PARD3B: variants seen among roughly 807,000 people sequenced by gnomAD.
PARD3B encodes par-3 family cell polarity regulator beta.
A neutral mutation model predicts 130.2 loss-of-function variants in PARD3B; 103 were observed. The observed-to-expected ratio is 0.79, with a 90% confidence interval of 0.67 to 0.93. The LOEUF (loss-of-function observed/expected upper bound fraction) is 0.93, where lower values mean the gene tolerates loss of function less well. Among genes scored for constraint, PARD3B ranks in the 40% least tolerant of loss-of-function variants. The probability of loss-of-function intolerance (pLI) is 0.00; values close to 1 mark genes in which losing one functional copy is unlikely to be tolerated. For missense variants in PARD3B, 1,609 were observed against 1,499.2 expected (o/e 1.07, Z -1.21); for synonymous variants, 583 against 553.2 (o/e 1.05, Z -0.76).
rs553836886 is a variant in PARD3B at position 205,276,094 on chromosome 2, C to G, written c.2186-24436C>G. On this transcript the variant is annotated intron_variant, in intron 16 of 22. Coordinates refer to ENST00000406610, the MANE Select transcript of PARD3B (RefSeq NM_001302769.2). This position sits in a 1 kb window ranked among gnomAD's most constrained non-coding sequence, Gnocchi z 5.0. ...TACAAGTAACTGAAGTTGTTGCCTT[C>G]ATTAAGGATTTCTGTTCCTGAAATT... 1.3e-5 allele frequency among the ~76,000 whole-genome samples: 2 copies of G among 152,118 alleles called. No homozygotes were observed. Among genetic ancestry groups the G allele is most frequent in the Non-Finnish European group, 2.9e-5 (2 of 68,022 alleles).
intron 2 of PARD3B, among the ~76,000 whole-genome samples, chr2:204,705,882 C>G (rs892051692): frequency 1.3e-5 from 2 of 152,136 alleles, no homozygotes; most frequent in Non-Finnish European, 2.9e-5. Flanking sequence ...AATCTCCATC[C>G]TTCTTCCATC....
chr2:205,058,156 C>A (rs1033878870), intron 4 of PARD3B, among the ~76,000 whole-genome samples: 12 of 151,864 alleles, frequency 7.9e-5, no homozygotes, highest in Non-Finnish European at 1.8e-4. Flanking sequence ...CAAGTAGAAT[C>A]ATGCAGTATT....
chr2:204,624,230 C>A (rs1267937764), intron 1 of PARD3B, among the ~76,000 whole-genome samples: 1 of 151,950 alleles, frequency 6.6e-6, no homozygotes, highest in East Asian at 1.9e-4. Flanking sequence ...CAAAGAAGGA[C>A]CTATGAATAT....
chr2:204,924,655 T>C (rs1219547420), intron 2 of PARD3B, among the ~76,000 whole-genome samples: 1 of 152,054 alleles, frequency 6.6e-6, no homozygotes, highest in East Asian at 1.9e-4. Flanking sequence ...AATTCTGTAA[T>C]AGAAATGCTG....
chr2:205,401,445 A>G (rs2046248173), intron 19 of PARD3B, among the ~76,000 whole-genome samples: 1 of 152,140 alleles, frequency 6.6e-6, no homozygotes, highest in African/African-American at 2.4e-5. Context: ...GATGTTTAGA[A>G]CTATCCAGTT....
At chr2:205,603,976 G>A (rs1163793285) in intron 22 of PARD3B, among the ~76,000 whole-genome samples, 1 of 152,200 alleles carries the variant, frequency 6.6e-6, no homozygotes, top group Non-Finnish European at 1.5e-5. Context: ...CTTTTGCAGT[G>A]GCTGGTACCA....
At chr2:205,498,016 A>AACACACACACACACACACACACAC (rs57531393) in intron 20 of PARD3B, among the ~76,000 whole-genome samples, 6 of 141,970 alleles carry the variant, frequency 4.2e-5, no homozygotes, top group African/African-American at 1.6e-4. Flanking sequence ...GTCTCTACTA[A>AACACACACACACACACACACACAC]ACACACACAC....
At chr2:205,114,839 A>G (rs1703916069) in intron 6 of PARD3B, among the ~76,000 whole-genome samples, 1 of 151,946 alleles carries the variant, frequency 6.6e-6, no homozygotes, top group African/African-American at 2.4e-5. Flanking sequence ...AAAAGCTAGC[A>G]ACTCTTATTG....
At chr2:204,970,436 G>T (rs1414077307) in intron 3 of PARD3B, among the ~76,000 whole-genome samples, 2 of 152,170 alleles carry the variant, frequency 1.3e-5, no homozygotes, top group African/African-American at 4.8e-5. Flanking sequence ...TCCCTGATGT[G>T]TCACCACCAT....
At chr2:205,247,690 T>C (rs1574495114) in intron 16 of PARD3B, among the ~76,000 whole-genome samples, 4 of 152,314 alleles carry the variant, frequency 2.6e-5, no homozygotes, top group Admixed American at 2.6e-4. Flanking sequence ...TGGGCATCTG[T>C]AGAAATGCTG....
In PARD3B at chr2:205,291,732, A is replaced by G. The variant is rs932779166; in HGVS notation, c.2186-8798A>G. Among the ~76,000 whole-genome samples the G allele has an allele frequency of 2.6e-5, 4 of 152,228 alleles. No individual in the cohort carries two copies. The highest frequency in any genetic ancestry group is 5.9e-5 in the Non-Finnish European group (4 of 68,036). ...AAGATGGAATTGTCCATCAAAAAGG[A>G]AGCAGAGCTTAAAGACTTAGGTAAT... is the stretch of plus-strand genomic sequence containing the variant. On this transcript the variant is annotated intron_variant, in intron 16 of 22. Coordinates refer to ENST00000406610, the MANE Select transcript of PARD3B (RefSeq NM_001302769.2). This position sits in a 1 kb window ranked among gnomAD's most constrained non-coding sequence, Gnocchi z 4.6.
At chr2:204,984,984 G>T (rs942055795) in intron 3 of PARD3B, among the ~76,000 whole-genome samples, 3 of 142,974 alleles carry the variant, frequency 2.1e-5, no homozygotes, top group African/African-American at 7.8e-5. Flanking sequence ...ATTCAGTACA[G>T]CCCCAGCTCT....
intron 1 of PARD3B, among the ~76,000 whole-genome samples, chr2:204,679,476 C>T (rs1255651803): frequency 6.6e-6 from 1 of 152,126 alleles, no homozygotes; most frequent in Admixed American, 6.5e-5. Flanking sequence ...TTTGTATTCT[C>T]ACAATCCTTA....
intron 3 of PARD3B, among the ~76,000 whole-genome samples, chr2:204,983,892 C>T (rs1487831063): frequency 2.6e-5 from 4 of 152,124 alleles, no homozygotes; most frequent in Non-Finnish European, 2.9e-5. Context: ...TTTGGGTCTT[C>T]GTTTCCTTAT....
intron 10 of PARD3B, among the ~76,000 whole-genome samples, chr2:205,157,468 A>G (rs570936367): frequency 6.6e-6 from 1 of 152,322 alleles, no homozygotes; most frequent in African/African-American, 2.4e-5. Flanking sequence ...CTATTTCTTT[A>G]AAAGTTAGCT....
At chr2:204,657,903 T>G (rs1187696183) in intron 1 of PARD3B, among the ~76,000 whole-genome samples, 1 of 152,172 alleles carries the variant, frequency 6.6e-6, no homozygotes, top group Non-Finnish European at 1.5e-5. Context: ...AGAACTTTTT[T>G]AGTAATATGT....
At chr2:204,728,771 A>T (rs141778387) in intron 2 of PARD3B, among the ~76,000 whole-genome samples, 1 of 152,182 alleles carries the variant, frequency 6.6e-6, no homozygotes, top group Non-Finnish European at 1.5e-5. Context: ...GTTTATCTTA[A>T]TCCACTCCTG....
chr2:204,633,191 T>C (rs1217374929), intron 1 of PARD3B, among the ~76,000 whole-genome samples: 5 of 152,102 alleles, frequency 3.3e-5, no homozygotes, highest in Non-Finnish European at 7.4e-5. Context: ...ATAAAGAGGG[T>C]GTATTTTATA....
chr2:205,351,350 T>C lies in PARD3B; in HGVS notation c.2630+49649T>C, dbSNP rs988656725. On this transcript the variant is annotated intron_variant, in intron 18 of 22. Transcript: ENST00000406610. The surrounding 1 kb of genome is among the most constrained non-coding windows in gnomAD (Gnocchi z 4.2). ...TTAATCCCAGTTGGTTGCATTTTTT[T>C]CCTTTTTATCAGTCTAGATAGATTG... Among the ~76,000 whole-genome samples the C allele has an allele frequency of 6.6e-6, 1 of 152,182 alleles. No homozygotes were observed. Among genetic ancestry groups the C allele is most frequent in the Non-Finnish European group, 1.5e-5 (1 of 68,032 alleles).
Sources: gnomAD v4.1 joint callset for allele counts (sites outside exome capture counted in the v4.1 genomes callset) on GRCh38, gnomAD v4.1.1 for gene constraint, Gnocchi (gnomAD v3.1) non-coding constraint, MANE v1.5 for transcripts, NCBI Gene and HGNC (gene_info 2026-07-23, HGNC 2026-07-21) for gene names.